The following RBFOX2 variants were observed in gnomAD, a reference collection of about 807,000 sequenced individuals.
RBFOX2 encodes RNA binding protein fox-1 homolog 2.
In RBFOX2, 10 loss-of-function variants were observed where a neutral mutation model predicts 49.1. That is an observed-to-expected ratio of 0.20 (90% CI 0.13 to 0.35). RBFOX2 has a LOEUF of 0.35. RBFOX2 is among the 10% of genes least tolerant of loss of function. The pLI is 1.00. For missense variants in RBFOX2, 323 were observed against 486.9 expected (o/e 0.66, Z 3.17); for synonymous variants, 183 against 187.4 (o/e 0.98, Z 0.19).
chr22:35,813,003 A>T (rs1952225072), intron 1 of RBFOX2, among the ~76,000 whole-genome samples: 1 of 151,878 alleles, frequency 6.6e-6, no homozygotes, highest in Admixed American at 6.6e-5. Flanking sequence ...GGCGTTTTAC[A>T]GAAATGCAAG....
chr22:35,866,852 C>A (rs758510082), intron 1 of RBFOX2, among the ~76,000 whole-genome samples: 8 of 152,152 alleles, frequency 5.3e-5, no homozygotes, highest in Non-Finnish European at 1.0e-4. Context: ...AAGTGAGGAG[C>A]CTTCACTTCT....
intron 1 of RBFOX2, among the ~76,000 whole-genome samples, chr22:35,957,908 A>G (rs895335432): frequency 6.6e-6 from 1 of 152,234 alleles, no homozygotes; most frequent in African/African-American, 2.4e-5. Flanking sequence ...TGATATTTCA[A>G]TTTAAACTGG....
chr22:35,867,855 A>C, intron 1 of RBFOX2, among the ~76,000 whole-genome samples: 1 of 152,186 alleles, frequency 6.6e-6, no homozygotes, highest in East Asian at 1.9e-4. Context: ...AAAGACATAA[A>C]CACTTTTAGA....
chr22:35,975,160 A>G (rs2057084569), intron 1 of RBFOX2, among the ~76,000 whole-genome samples: 1 of 152,248 alleles, frequency 6.6e-6, no homozygotes, highest in Non-Finnish European at 1.5e-5. Flanking sequence ...TAACACTCAT[A>G]AAAGTATTCT....
Position 36,008,038 on chromosome 22 carries a change from G to C in RBFOX2, c.186+20202C>G, listed in dbSNP as rs1011864783. Among the ~76,000 whole-genome samples the C allele has an allele frequency of 1.1e-4, 17 of 152,210 alleles. No homozygotes were observed. The Middle Eastern group carries it at 0.01, about 91-fold the overall frequency. ...AGAGCATCTGTAGGATAAATTCCTG[G>C]AAGTGGAACTGTTGAGTCAAAGAAT... is the stretch of plus-strand genomic sequence containing the variant. On this transcript the variant is annotated intron_variant, in intron 1 of 13. Transcript: ENST00000438146.
chr22:35,937,840 T>G (rs1480857170), intron 1 of RBFOX2, among the ~76,000 whole-genome samples: 1 of 152,064 alleles, frequency 6.6e-6, no homozygotes, highest in Non-Finnish European at 1.5e-5. Flanking sequence ...CCACCCACCT[T>G]GGCCTCCCAA....
chr22:35,952,139 G>C (rs1171461811), intron 1 of RBFOX2, among the ~76,000 whole-genome samples: 2 of 152,162 alleles, frequency 1.3e-5, no homozygotes, highest in Non-Finnish European at 2.9e-5. Flanking sequence ...TCTGTAACAA[G>C]CTTCCCTGGT....
At position 35,948,811 on chromosome 22, in the gene RBFOX2, G is replaced by C. The variant is rs180927157; in HGVS notation, c.43-9914C>G. Among the ~76,000 whole-genome samples, 24 of 152,060 alleles carry C rather than the reference G, an allele frequency of 1.6e-4. No individual in the cohort carries two copies. In the East Asian group the frequency reaches 4.2e-3, roughly 27 times the overall value. The stretch of plus-strand genomic sequence containing the variant: ...TTTCCTTTCATCTTTTTTTAAAACT[G>C]TGGTTAAATATACATAAAGTTACCA... On this transcript the variant is annotated intron_variant, in intron 1 of 5. Transcript: ENST00000408983.
intron 1 of RBFOX2, among the ~76,000 whole-genome samples, chr22:35,986,956 T>C (rs1250574888): frequency 6.7e-6 from 1 of 150,176 alleles, no homozygotes; most frequent in African/African-American, 2.5e-5. Flanking sequence ...TATAAAGATC[T>C]CTTTTTTTTT....
chr22:35,741,868 T>A (rs553135723), exon 12 of RBFOX2: 1 of 152,722 alleles, frequency 6.5e-6, no homozygotes, highest in African/African-American at 2.4e-5. Flanking sequence ...AAACTCATTC[T>A]CCTATTCTCC....
rs556285353 is a variant in RBFOX2, at chr22:35,795,810, A to G, written c.252+13970T>C. 2.0e-5 allele frequency among the ~76,000 whole-genome samples: 3 copies of G among 152,226 alleles called. No homozygotes were observed. In the East Asian group the frequency reaches 5.8e-4, roughly 29 times the overall value. ...TATTTCAAAGGATGCTTAGCTCTTTAGAGTATAAAATTCCAAATTCTTTGG... is the reference window on the plus strand; with the variant it reads ...TATTTCAAAGGATGCTTAGCTCTTTGGAGTATAAAATTCCAAATTCTTTGG... On this transcript the variant is annotated intron_variant, in intron 2 of 11. Coordinates refer to ENST00000405409, the Ensembl canonical transcript of RBFOX2.
At chr22:35,740,076 T>C (rs1264519701) in exon 12 of RBFOX2, 1 of 152,602 alleles carries the variant, frequency 6.6e-6, no homozygotes, top group African/African-American at 2.4e-5. Flanking sequence ...TGCATCTGAT[T>C]GAGGAATCTG....
intron 1 of RBFOX2, among the ~76,000 whole-genome samples, chr22:35,985,902 GGATAGATAGATA>G (rs3075246): frequency 0.12 from 17,340 of 143,856 alleles, 1,078 homozygotes; most frequent in African/African-American, 0.14. Flanking sequence ...ATAGATAGAT[GGATAGATAGATA>G]GATAGATAGA....
At chr22:35,763,100 C>T (rs1939563709) in intron 6 of RBFOX2, among the ~76,000 whole-genome samples, 2 of 152,328 alleles carry the variant, frequency 1.3e-5, no homozygotes, top group East Asian at 1.9e-4. Flanking sequence ...AATGAGAATG[C>T]TGACTGAGAA....
At chr22:35,849,298 AACACACACACACAC>A (rs61515031) in intron 1 of RBFOX2, among the ~76,000 whole-genome samples, 112 of 133,350 alleles carry the variant, frequency 8.4e-4, no homozygotes, top group Non-Finnish European at 1.5e-3. Flanking sequence ...TACACACACA[AACACACACACACAC>A]ACACACACAC....
chr22:36,022,856 A>G (rs2059297697), intron 1 of RBFOX2, among the ~76,000 whole-genome samples: 1 of 152,142 alleles, frequency 6.6e-6, no homozygotes, highest in Admixed American at 6.5e-5. Flanking sequence ...ACAGCTATCC[A>G]CAAGCCAGAA....
intron 1 of RBFOX2, among the ~76,000 whole-genome samples, chr22:35,917,679 G>C (rs1460633140): frequency 1.2e-4 from 19 of 152,022 alleles, no homozygotes; most frequent in Admixed American, 1.2e-3. Flanking sequence ...GGGAGGCTGG[G>C]AGAAGGGGAG....
At chr22:35,992,711 T>C (rs904970523) in intron 1 of RBFOX2, 1 of 152,178 alleles carries the variant, frequency 6.6e-6, no homozygotes, top group Non-Finnish European at 1.5e-5. Flanking sequence ...ATTTATCCAA[T>C]ACGTCTTGCC....
At chr22:35,923,759 A>C (rs1302853256) in intron 1 of RBFOX2, among the ~76,000 whole-genome samples, 3 of 152,048 alleles carry the variant, frequency 2.0e-5, no homozygotes, top group Non-Finnish European at 2.9e-5. Context: ...ACCAAAGATC[A>C]AATGAGAATG....
Sources: allele counts gnomAD v4.1 joint callset (sites outside exome capture counted in the v4.1 genomes callset), GRCh38; gene constraint gnomAD v4.1.1; transcripts MANE v1.5; gene names NCBI Gene and HGNC (gene_info 2026-07-23, HGNC 2026-07-21).